Variants in MYO9A observed in about 807,000 individuals in gnomAD.
MYO9A encodes unconventional myosin-IXa.
Under a neutral mutation model 293.3 loss-of-function variants are expected in MYO9A, and 103 were observed. The observed-to-expected ratio is 0.35, with a 90% CI of 0.30 to 0.41. MYO9A has a LOEUF of 0.41. Among genes scored for constraint, MYO9A ranks in the 10% least tolerant of loss-of-function variants. The pLI, the probability that MYO9A is intolerant of heterozygous loss-of-function variation, is 1.00. For synonymous variants in MYO9A, 1,001 were observed against 1,035.7 expected (o/e 0.97, Z 0.64); for missense variants, 2,685 against 3,033.0 (o/e 0.89, Z 2.69).
intron 32 of MYO9A, among the ~76,000 whole-genome samples, chr15:71,874,553 T>A (rs1298836522): frequency 6.6e-6 from 1 of 152,184 alleles, no homozygotes; most frequent in Non-Finnish European, 1.5e-5. Flanking sequence ...TAAACAGTTC[T>A]GAGTAGAGAA....
At chr15:71,862,137 CA>C (rs552368431) in intron 33 of MYO9A, among the ~76,000 whole-genome samples, 53 of 151,498 alleles carry the variant, frequency 3.5e-4, no homozygotes, top group African/African-American at 1.2e-3. Context: ...ATCTCAAAAA[CA>C]AAAAAAAGAA....
At chr15:71,836,413 G>A (rs2054943777) in intron 39 of MYO9A, among the ~76,000 whole-genome samples, 1 of 152,038 alleles carries the variant, frequency 6.6e-6, no homozygotes, top group Non-Finnish European at 1.5e-5. Context: ...CCTACACATT[G>A]CTAACATATT....
At chr15:72,055,888 A>G (rs532033956) in intron 1 of MYO9A, among the ~76,000 whole-genome samples, 60 of 152,362 alleles carry the variant, frequency 3.9e-4, no homozygotes, top group Non-Finnish European at 5.4e-4. Flanking sequence ...CATTCACTAT[A>G]TGTAAAATAC....
chr15:72,097,320 AAAG>A (rs1347206191), intron 1 of MYO9A, among the ~76,000 whole-genome samples: 1 of 152,228 alleles, frequency 6.6e-6, no homozygotes, highest in African/African-American at 2.4e-5. Flanking sequence ...ACCATGAAGT[AAAG>A]AACCTCCACC....
At chr15:71,954,130 G>A (rs528910673) in intron 14 of MYO9A, among the ~76,000 whole-genome samples, 3 of 152,012 alleles carry the variant, frequency 2.0e-5, no homozygotes, top group African/African-American at 4.8e-5. Flanking sequence ...TCCTGACCTC[G>A]TGACCTGCCT....
At chr15:71,878,790 A>C (rs2056779642) in intron 30 of MYO9A, among the ~76,000 whole-genome samples, 2 of 130,296 alleles carry the variant, frequency 1.5e-5, no homozygotes, top group Admixed American at 9.6e-5. Context: ...TCTGTCACCC[A>C]GGCTGGAGTG....
chr15:71,898,191 T>G lies in MYO9A; in HGVS notation c.4312A>C (p.Ser1438Arg). 4 of 1,614,188 alleles carry G rather than the reference T, an allele frequency of 2.5e-6. No homozygotes were observed. The highest frequency in any genetic ancestry group is 3.4e-6 in the Non-Finnish European group (4 of 1,180,024). Residue 1438 changes from serine (S) to arginine (R), a missense_variant, in exon 25 of 42, where the codon AGT (serine) becomes CGT (arginine). Ser to Arg is a moderately radical substitution (Grantham distance 110). Transcript: ENST00000356056. ...TCCAATAGTTTGTTTCTTTGGATAC[T>G]TGTGTCTAGTTGGGAATTTGTTTTC... ...PLKTNSQLDT[S>R]IQRNKLLENE...
At chr15:72,058,965 T>C (rs2078802091) in intron 1 of MYO9A, among the ~76,000 whole-genome samples, 2 of 152,334 alleles carry the variant, frequency 1.3e-5, no homozygotes, top group Non-Finnish European at 2.9e-5. Context: ...AATATATACA[T>C]TAATTTTGTT....
chr15:71,920,928 T>A (rs1050817729), intron 18 of MYO9A, among the ~76,000 whole-genome samples: 1 of 151,874 alleles, frequency 6.6e-6, no homozygotes, highest in Non-Finnish European at 1.5e-5. Flanking sequence ...GGTGACAGAG[T>A]GAGACTTTGT....
At chr15:71,862,471 A>C (rs962275145) in intron 33 of MYO9A, 29 bp downstream of exon 33, 2 of 1,509,874 alleles carry the variant, frequency 1.3e-6, no homozygotes, top group Non-Finnish European at 1.8e-6. Flanking sequence ...AGTGGTTAAA[A>C]ATATTCCTCA....
Position 71,888,161 on chromosome 15 carries a change from A to G in MYO9A, c.5143-45T>C, listed in dbSNP as rs201196347. ...GAAAGATTTAATGCCAAGTAAATAT[A>G]TGATAGCACTGTAATTTAAATTCAG... On this transcript the variant is annotated intron_variant, in intron 26 of 41. Coordinates refer to ENST00000356056, the MANE Select transcript of MYO9A (RefSeq NM_006901.4). 24 of 1,002,978 alleles carry G rather than the reference A, an allele frequency of 2.4e-5. 1 individual carries two copies. The highest frequency in any genetic ancestry group is 3.7e-5 in the Non-Finnish European group (24 of 656,076). 62.1% of individuals were successfully genotyped at this position (1,002,978 alleles called of 1,614,324 possible). A position where few individuals can be genotyped will look rare whatever the true frequency, so the allele number is the denominator to read the frequency against.
chr15:72,013,106 A>G (rs1217528176), intron 6 of MYO9A, among the ~76,000 whole-genome samples: 4 of 152,250 alleles, frequency 2.6e-5, no homozygotes, highest in African/African-American at 4.8e-5. Context: ...GAGACAGACC[A>G]AGAGTCAAAT....
At chr15:71,987,774 C>T (rs1460285776) in intron 11 of MYO9A, among the ~76,000 whole-genome samples, 1 of 152,010 alleles carries the variant, frequency 6.6e-6, no homozygotes, top group Non-Finnish European at 1.5e-5. Flanking sequence ...AAATTTTAAC[C>T]TTAACTTATT....
At chr15:71,901,088 T>A in intron 23 of MYO9A, 103 bp downstream of exon 23, 2 of 1,267,236 alleles carry the variant, frequency 1.6e-6, no homozygotes, top group Non-Finnish European at 2.1e-6. Context: ...ATTTCTGAAG[T>A]TCACATTATT....
At position 72,032,575 on chromosome 15, in the gene MYO9A, G is replaced by A; in HGVS notation, c.854C>T (p.Ala285Val). 1 of 1,591,628 alleles carries A rather than the reference G, an allele frequency of 6.3e-7. No homozygotes were observed. Among genetic ancestry groups the A allele is most frequent in the Non-Finnish European group, 8.5e-7 (1 of 1,172,420 alleles). Residue 285 changes from alanine to valine, a missense_variant, in exon 3 of 42, where the codon GCA becomes GTA. This residue lies in a region of MYO9A where 289 missense variants were observed against 456.8 expected (regional missense o/e 0.63). Coordinates refer to ENST00000356056, the MANE Select transcript of MYO9A (RefSeq NM_006901.4). ...AGPVLEAFGN[A>V]KTAHNNNSSR... ...TGAATTGTTATTATGAGCTGTCTTTGCATTTCCAAAGGCCTGTCAAAATAA... is the reference window on the plus strand; with the variant it reads ...TGAATTGTTATTATGAGCTGTCTTTACATTTCCAAAGGCCTGTCAAAATAA...
chr15:71,854,378 T>A lies in MYO9A; in HGVS notation c.6345A>T (p.Thr2115=). The A allele has an allele frequency of 6.4e-7, 1 of 1,553,024 alleles. No individual in the cohort carries two copies. The highest frequency in any genetic ancestry group is 8.7e-7 in the Non-Finnish European group (1 of 1,153,432). Reference sequence around the variant, plus strand: ...ATGATTTAGAGGGCACTATCTTACCTGTATCTAGACCCTGCCGAAGCTCCT... The same window carrying A: ...ATGATTTAGAGGGCACTATCTTACCAGTATCTAGACCCTGCCGAAGCTCCT... ...KIKELRQGLD[T]DAESVNLDDY... The change falls in exon 35 of 42, where the codon ACA becomes ACT. Residue 2115 remains threonine (T), a splice_region_variant and synonymous_variant. Transcript: ENST00000356056.
At chr15:72,080,796 G>A (rs1475130386) in intron 1 of MYO9A, among the ~76,000 whole-genome samples, 1 of 151,964 alleles carries the variant, frequency 6.6e-6, no homozygotes, top group African/African-American at 2.4e-5. Context: ...TTCCACTTAT[G>A]AGTAAGAACA....
At chr15:72,032,375 G>T in intron 3 of MYO9A, 119 bp downstream of exon 3, 1 of 611,436 alleles carries the variant, frequency 1.6e-6, no homozygotes. Context: ...AAGTTGACAG[G>T]GAAGAATTTT....
chr15:71,898,679 C>T lies in MYO9A; in HGVS notation c.3824G>A (p.Arg1275Lys), dbSNP rs750664834. The part of the protein sequence containing the change: ...KKVGRAKRES[R>K]RMRELEQAIF... ...AGCTTGCTCTAGTTCTCTCATTCTC[C>T]TACTTTCTCTCTTAGCCCGGCCTAC... is the stretch of plus-strand genomic sequence containing the variant. The change falls in exon 25 of 42, where the codon AGG (arginine) becomes AAG (lysine). Residue 1275 changes from arginine (R) to lysine (K), a missense_variant. Around this residue, in one of 10 missense-constraint regions of MYO9A, gnomAD observed 1,434 missense variants for 1,497.7 expected, o/e 0.96. Transcript: ENST00000356056. 5 of 1,613,990 alleles carry T rather than the reference C, an allele frequency of 3.1e-6. No homozygotes were observed. The highest frequency in any genetic ancestry group is 3.3e-5 in the Admixed American group (2 of 60,006).
Sources: gnomAD v4.1 joint callset for allele counts (sites outside exome capture counted in the v4.1 genomes callset) on GRCh38, gnomAD v4.1.1 for gene constraint, gnomAD v4.1.1 regional missense constraint, MANE v1.5 for transcripts, NCBI Gene and HGNC (gene_info 2026-07-23, HGNC 2026-07-21) for gene names.